SCAPER: variants seen among roughly 807,000 people sequenced by gnomAD.
The protein encoded by SCAPER is S phase cyclin A-associated protein in the endoplasmic reticulum.
SCAPER carries 98 observed loss-of-function variants against 182.2 expected under a neutral mutation model. The ratio of observed to expected loss-of-function variants is 0.54; its 90% CI spans 0.46 to 0.64. The LOEUF (loss-of-function observed/expected upper bound fraction) is 0.64, where lower values mean the gene tolerates loss of function less well. Ranked by LOEUF, SCAPER falls within the 30% of genes least tolerant of loss-of-function variation. The pLI is 0.00. For synonymous variants in SCAPER, 605 were observed against 564.6 expected (o/e 1.07, Z -1.01); for missense variants, 1,432 against 1,690.0 (o/e 0.85, Z 2.68).
chr15:76,878,740 C>A (rs1374990690), intron 2 of SCAPER, among the ~76,000 whole-genome samples: 1 of 151,368 alleles, frequency 6.6e-6, no homozygotes, highest in Non-Finnish European at 1.5e-5. Flanking sequence ...CCAGCCTGGG[C>A]AACATAGTGA....
chr15:76,480,576 C>T (rs556927966), intron 24 of SCAPER, among the ~76,000 whole-genome samples: 33 of 152,336 alleles, frequency 2.2e-4, no homozygotes, highest in Non-Finnish European at 4.3e-4. Flanking sequence ...ATCCTTGTCT[C>T]ATTCATTCTG....
chr15:76,497,989 C>CAAAAA (rs747096625), intron 24 of SCAPER, among the ~76,000 whole-genome samples: 1,494 of 58,230 alleles, frequency 0.026, 326 homozygotes, highest in African/African-American at 0.029. Flanking sequence ...GACTCCGTCT[C>CAAAAA]AAAAAAAAAA....
At chr15:76,557,013 C>T (rs1396510869) in intron 23 of SCAPER, among the ~76,000 whole-genome samples, 3 of 151,940 alleles carry the variant, frequency 2.0e-5, no homozygotes, top group Admixed American at 6.6e-5. Context: ...TTCACAATAG[C>T]CACAAAAAAT....
At chr15:76,723,376 G>T (rs1408848565) in intron 17 of SCAPER, among the ~76,000 whole-genome samples, 1 of 152,120 alleles carries the variant, frequency 6.6e-6, no homozygotes, top group Non-Finnish European at 1.5e-5. Context: ...GAATAGGTGT[G>T]GTGTGGTGTG....
intron 5 of SCAPER, among the ~76,000 whole-genome samples, chr15:76,813,797 A>T (rs1022358700): frequency 5.9e-5 from 9 of 152,234 alleles, no homozygotes; most frequent in Non-Finnish European, 1.2e-4. Flanking sequence ...TAAAACATTG[A>T]TTAAAGAAAC....
At position 76,829,927 on chromosome 15, in the gene SCAPER, T is replaced by C. The variant is rs61190078; in HGVS notation, c.393+11807A>G. Reference sequence around the variant, plus strand: ...GACAGATATTAAACAACTAAATATATAATTATTTCATTTCAACCGTGATAT... The same window carrying C: ...GACAGATATTAAACAACTAAATATACAATTATTTCATTTCAACCGTGATAT... On this transcript the variant is annotated intron_variant, in intron 5 of 31. Coordinates refer to ENST00000563290, the MANE Select transcript of SCAPER (RefSeq NM_020843.4). Among the ~76,000 whole-genome samples, 1,269 of 152,278 alleles carry C rather than the reference T, an allele frequency of 8.3e-3. 12 individuals carry two copies. Among genetic ancestry groups the C allele is most frequent in the African/African-American group, 0.029 (1,197 of 41,548 alleles).
intron 2 of SCAPER, among the ~76,000 whole-genome samples, chr15:76,874,893 T>G: frequency 6.6e-6 from 1 of 151,526 alleles, no homozygotes; most frequent in South Asian, 2.1e-4. Context: ...AGCCCAGGAG[T>G]TCAAGGTTTC....
At chr15:76,559,934 A>G (rs151322818) in intron 23 of SCAPER, among the ~76,000 whole-genome samples, 75 of 151,930 alleles carry the variant, frequency 4.9e-4, no homozygotes, top group African/African-American at 1.6e-3. Flanking sequence ...GTGTGTGTGT[A>G]TGTGTGTGTG....
rs550822898 is a variant in SCAPER at position 76,689,094 on chromosome 15, C to T, written c.2508+12664G>A. ...CGATCTCCTGACCTAGTGATCCGCC[C>T]GCCTCAGCCTTTCAAAGTGCTGGGA... On this transcript the variant is annotated intron_variant, in intron 20 of 31. Coordinates refer to ENST00000563290, the MANE Select transcript of SCAPER (RefSeq NM_020843.4). Among the ~76,000 whole-genome samples, 697 of 152,034 alleles carry T rather than the reference C, an allele frequency of 4.6e-3. 7 individuals carry two copies. Among genetic ancestry groups the T allele is most frequent in the African/African-American group, 0.016 (662 of 41,502 alleles).
At chr15:76,419,568 A>G (rs1391305267) in intron 26 of SCAPER, among the ~76,000 whole-genome samples, 1 of 151,910 alleles carries the variant, frequency 6.6e-6, no homozygotes, top group Non-Finnish European at 1.5e-5. Context: ...GAAAAATACA[A>G]AATTAGCCGG....
At chr15:76,784,911 T>G (rs1000275224) in intron 8 of SCAPER, among the ~76,000 whole-genome samples, 1 of 152,180 alleles carries the variant, frequency 6.6e-6, no homozygotes, top group Non-Finnish European at 1.5e-5. Flanking sequence ...ATGTTAGACC[T>G]AAAACCATAA....
intron 21 of SCAPER, among the ~76,000 whole-genome samples, chr15:76,662,975 T>C (rs980210463): frequency 6.6e-6 from 1 of 151,838 alleles, no homozygotes; most frequent in Non-Finnish European, 1.5e-5. Flanking sequence ...ATCATTAAAA[T>C]AAAAAAAATT....
intron 20 of SCAPER, among the ~76,000 whole-genome samples, chr15:76,682,382 T>C (rs8043474): frequency 0.38 from 57,879 of 151,060 alleles, 13,052 homozygotes; most frequent in Middle Eastern, 0.52. Context: ...TGTGCCATCA[T>C]TGCCAGTTTG....
chr15:76,426,556 AAAAG>A (rs2046448323), intron 26 of SCAPER, among the ~76,000 whole-genome samples: 1 of 152,132 alleles, frequency 6.6e-6, no homozygotes, highest in African/African-American at 2.4e-5. Flanking sequence ...TTTTTTTATA[AAAAG>A]AAAGAGGGCA....
Position 76,719,790 on chromosome 15 carries a change from G to GA in SCAPER, c.2165+8804dup, listed in dbSNP as rs1164524556. Among the ~76,000 whole-genome samples, 4 of 151,458 alleles carry GA rather than the reference G, an allele frequency of 2.6e-5. No individual in the cohort carries two copies. In the East Asian group the frequency reaches 7.7e-4, roughly 29 times the overall value. On this transcript the variant is annotated intron_variant, in intron 17 of 31. Coordinates refer to ENST00000563290, the MANE Select transcript of SCAPER (RefSeq NM_020843.4). ...ACGAAACAAAAGGCATAAAGATGAG[G>GA]AAAAAAATCCCAACTATATATTGGT...
intron 24 of SCAPER, among the ~76,000 whole-genome samples, chr15:76,484,592 C>G (rs1298594720): frequency 1.3e-5 from 2 of 152,080 alleles, no homozygotes; most frequent in Non-Finnish European, 2.9e-5. Flanking sequence ...CCTATTGAAA[C>G]TATTCCAAAA....
At chr15:76,711,789 T>G (rs1000128945) in intron 17 of SCAPER, among the ~76,000 whole-genome samples, 2 of 152,110 alleles carry the variant, frequency 1.3e-5, no homozygotes, top group Non-Finnish European at 2.9e-5. Context: ...GGGTTGTTTG[T>G]TTTTTTCCTG....
chr15:76,429,136 C>T (rs112371080), intron 26 of SCAPER, among the ~76,000 whole-genome samples: 6,656 of 151,814 alleles, frequency 0.044, 491 homozygotes, highest in African/African-American at 0.15. Context: ...CCACCATCCA[C>T]GTAAGTTGTG....
chr15:76,537,994 T>C (rs1346782191), intron 23 of SCAPER, among the ~76,000 whole-genome samples: 3 of 151,514 alleles, frequency 2.0e-5, no homozygotes, highest in Non-Finnish European at 2.9e-5. Flanking sequence ...ATCAGAGAAA[T>C]GCAAATCAAA....
Sources: gnomAD v4.1 joint callset for allele counts (sites outside exome capture counted in the v4.1 genomes callset) on GRCh38, gnomAD v4.1.1 for gene constraint, MANE v1.5 for transcripts, NCBI Gene and HGNC (gene_info 2026-07-23, HGNC 2026-07-21) for gene names.